MAP2K3: variants seen among roughly 807,000 people sequenced by gnomAD.
MAP2K3 encodes the protein dual specificity mitogen-activated protein kinase kinase 3.
Under a neutral mutation model 46.4 loss-of-function variants are expected in MAP2K3, and 30 were observed. That is an observed-to-expected ratio of 0.65 (90% confidence interval 0.48 to 0.88). The LOEUF (loss-of-function observed/expected upper bound fraction) is 0.88, where lower values mean the gene tolerates loss of function less well. Among genes scored for constraint, MAP2K3 ranks in the 40% least tolerant of loss-of-function variants. The probability of loss-of-function intolerance (pLI) is 0.00; values close to 1 mark genes in which losing one functional copy is unlikely to be tolerated. For missense variants in MAP2K3, 380 were observed against 464.5 expected (o/e 0.82, Z 1.67); for synonymous variants, 189 against 176.3 (o/e 1.07, Z -0.57).
chr17:21,291,194 GGATCGC>G (rs1947474045), intron 1 of MAP2K3, among the ~76,000 whole-genome samples: 1 of 143,394 alleles, frequency 7.0e-6, no homozygotes, highest in East Asian at 2.1e-4. Flanking sequence ...CAGTGAGCCG[GGATCGC>G]ACCACTGCAC....
chr17:21,302,544 T>A (rs1213742412), intron 6 of MAP2K3, among the ~76,000 whole-genome samples: 1 of 152,310 alleles, frequency 6.6e-6, no homozygotes, highest in African/African-American at 2.4e-5. Flanking sequence ...CAGATCATTT[T>A]TTAAAAAAGG....
intron 1 of MAP2K3, among the ~76,000 whole-genome samples, chr17:21,295,364 G>A (rs115525701): frequency 9.3e-3 from 1,416 of 151,752 alleles, no homozygotes; most frequent in African/African-American, 0.03. Context: ...CTGCCTGGGG[G>A]CTGCTATGAG....
At chr17:21,296,050 C>T in intron 1 of MAP2K3, 3 of 1,288,890 alleles carry the variant, frequency 2.3e-6, no homozygotes, top group Non-Finnish European at 3.0e-6. Context: ...CTATAATTCT[C>T]ATTACTTAGG....
chr17:21,296,717 G>T (rs1323755477), intron 1 of MAP2K3, among the ~76,000 whole-genome samples: 1 of 152,310 alleles, frequency 6.6e-6, no homozygotes, highest in African/African-American at 2.4e-5. Flanking sequence ...AGATGAGAAG[G>T]GCCCTGCCTG....
At chr17:21,300,245 A>G (rs1976515349) in intron 3 of MAP2K3, among the ~76,000 whole-genome samples, 1 of 152,404 alleles carries the variant, frequency 6.6e-6, no homozygotes, top group South Asian at 2.1e-4. Context: ...GGGGTCGGGA[A>G]AAGAGGGACA....
chr17:21,307,446 C>T (rs1976946454), intron 9 of MAP2K3, among the ~76,000 whole-genome samples: 1 of 152,196 alleles, frequency 6.6e-6, no homozygotes, highest in Non-Finnish European at 1.5e-5. Flanking sequence ...GCAAGGAGGG[C>T]ACCCTGCTGA....
At chr17:21,292,186 T>G (rs1466547634) in intron 1 of MAP2K3, among the ~76,000 whole-genome samples, 1 of 152,304 alleles carries the variant, frequency 6.6e-6, no homozygotes, top group African/African-American at 2.4e-5. Flanking sequence ...CTGTGCTCAG[T>G]GAGCCTGGCT....
chr17:21,285,116 C>A, intron 1 of MAP2K3, 147 bp downstream of exon 1: 1 of 1,323,000 alleles, frequency 7.6e-7, no homozygotes, highest in South Asian at 1.5e-5. Flanking sequence ...GTTCGGGGTC[C>A]CGGGACCAGC....
chr17:21,295,147 A>G (rs1274521014), intron 1 of MAP2K3, among the ~76,000 whole-genome samples: 1 of 152,312 alleles, frequency 6.6e-6, no homozygotes, highest in Non-Finnish European at 1.5e-5. Context: ...GGCATGTGTG[A>G]AGGCCCTGCG....
intron 3 of MAP2K3, among the ~76,000 whole-genome samples, chr17:21,300,125 G>C (rs1976507662): frequency 6.6e-6 from 1 of 152,312 alleles, no homozygotes; most frequent in South Asian, 2.1e-4. Flanking sequence ...GGAAACATCT[G>C]TGAAGGCAAT....
intron 9 of MAP2K3, among the ~76,000 whole-genome samples, chr17:21,307,820 G>T: frequency 6.9e-6 from 1 of 144,514 alleles, no homozygotes; most frequent in Non-Finnish European, 1.5e-5. Flanking sequence ...TGGGATTACA[G>T]GCTCGTGCCA....
intron 9 of MAP2K3, among the ~76,000 whole-genome samples, chr17:21,309,395 G>A (rs1254570641): frequency 4.0e-5 from 1 of 24,978 alleles, no homozygotes; most frequent in East Asian, 8.9e-4. Context: ...TTTAGGCACA[G>A]GTTAGGTTTT....
intron 1 of MAP2K3, 48 bp downstream of exon 1, chr17:21,285,017 G>T: frequency 6.3e-7 from 1 of 1,582,466 alleles, no homozygotes. Flanking sequence ...GCCTAATCTG[G>T]GGCCGGGCTG....
chr17:21,302,094 A>C (rs72831582), intron 5 of MAP2K3, 49 bp from the exon 6 acceptor site: 3 of 1,584,072 alleles, frequency 1.9e-6, no homozygotes, highest in Admixed American at 3.3e-5. Context: ...CAGGTGGTGC[A>C]GACACGGGCA....
chr17:21,305,937 C>G (rs1306429293), intron 9 of MAP2K3, among the ~76,000 whole-genome samples: 349 of 152,012 alleles, frequency 2.3e-3, no homozygotes, highest in African/African-American at 8.0e-3. Flanking sequence ...CCCAGGGAAG[C>G]CTGGCCCAGG....
At chr17:21,294,063 A>G (rs962145551) in intron 1 of MAP2K3, among the ~76,000 whole-genome samples, 1 of 152,310 alleles carries the variant, frequency 6.6e-6, no homozygotes, top group African/African-American at 2.4e-5. Context: ...ATCCATCCAC[A>G]CCGTCGAGGT....
At position 21,298,473 on chromosome 17, in the gene MAP2K3, A is replaced by AC. The variant is rs1459424578; in HGVS notation, c.114dup (p.Thr39HisfsTer20). On this transcript the variant is annotated frameshift_variant, in exon 2 of 12. Transcript: ENST00000342679. LOFTEE classifies it high-confidence loss of function. ...TGCATGTCCAAGCCACCCGCACCCAACCCCACGTGAGTCTGCCTCAGTTTC... is the reference window on the plus strand; with the variant it reads ...TGCATGTCCAAGCCACCCGCACCCAACCCCCACGTGAGTCTGCCTCAGTTTC... The AC allele has an allele frequency of 6.2e-7, 1 of 1,614,314 alleles. No homozygotes were observed. Among genetic ancestry groups the AC allele is most frequent in the East Asian group, 2.2e-5 (1 of 44,896 alleles).
chr17:21,299,578 A>C (rs1436930241), intron 3 of MAP2K3, among the ~76,000 whole-genome samples: 1 of 152,198 alleles, frequency 6.6e-6, no homozygotes, highest in Non-Finnish European at 1.5e-5. Flanking sequence ...GCTACTTGAG[A>C]GTATGAGGTA....
intron 1 of MAP2K3, chr17:21,291,742 C>T: frequency 2.7e-6 from 1 of 374,110 alleles, no homozygotes; most frequent in South Asian, 2.0e-5. Flanking sequence ...TCACGGCTAC[C>T]CAGCAACCTG....
Sources: allele counts gnomAD v4.1 joint callset (sites outside exome capture counted in the v4.1 genomes callset), GRCh38; gene constraint gnomAD v4.1.1; transcripts MANE v1.5; gene names NCBI Gene and HGNC (gene_info 2026-07-23, HGNC 2026-07-21).